The following ROPN1 variants were observed in gnomAD, a reference collection of about 807,000 sequenced individuals.
ROPN1 encodes the protein ropporin-1A.
Under a neutral mutation model 20.5 loss-of-function variants are expected in ROPN1, and 14 were observed. The observed-to-expected ratio is 0.68, with a 90% confidence interval of 0.45 to 1.07. ROPN1 has a LOEUF of 1.07. Ranked by LOEUF, ROPN1 falls within the 50% of genes least tolerant of loss-of-function variation. ROPN1 has a pLI of 0.00. For synonymous variants in ROPN1, 76 were observed against 95.7 expected (o/e 0.79, Z 1.20); for missense variants, 169 against 242.8 (o/e 0.70, Z 2.02).
chr3:123,982,715 C>T (rs2038175078), intron 1 of ROPN1, among the ~76,000 whole-genome samples: 1 of 152,126 alleles, frequency 6.6e-6, no homozygotes, highest in Non-Finnish European at 1.5e-5. Flanking sequence ...TATATATATT[C>T]TTTTACTGTG....
intron 2 of ROPN1, among the ~76,000 whole-genome samples, chr3:123,977,476 G>A (rs189330004): frequency 1.1e-3 from 161 of 152,276 alleles, no homozygotes; most frequent in African/African-American, 2.9e-3. Flanking sequence ...GGAGTTTGAG[G>A]CTGCAGTGAA....
intron 4 of ROPN1, among the ~76,000 whole-genome samples, chr3:123,971,702 G>A (rs569700805): frequency 6.6e-6 from 1 of 152,218 alleles, no homozygotes; most frequent in South Asian, 2.1e-4. Context: ...AGCACACTCT[G>A]AACATTATAA....
In ROPN1 at chr3:123,979,403, A is replaced by G. The variant is rs201807957; in HGVS notation, c.116+963T>C. The G allele has an allele frequency of 1.1e-3, 387 of 344,310 alleles. No homozygotes were observed. In the East Asian group the frequency reaches 0.019, roughly 17 times the overall value. 21.3% of individuals were successfully genotyped at this position (344,310 alleles called of 1,614,324 possible). ...CGGCCTCTCTCACTCTCACTTTCCCACTGAAACCCTCCTAAGCAGGGAATC... is the reference window on the plus strand; with the variant it reads ...CGGCCTCTCTCACTCTCACTTTCCCGCTGAAACCCTCCTAAGCAGGGAATC... On this transcript the variant is annotated intron_variant, in intron 2 of 5. Coordinates refer to ENST00000405845, the MANE Select transcript of ROPN1 (RefSeq NM_001317774.2).
At chr3:123,987,367 C>T (rs1421350889) in intron 1 of ROPN1, among the ~76,000 whole-genome samples, 1 of 152,200 alleles carries the variant, frequency 6.6e-6, no homozygotes, top group East Asian at 1.9e-4. Context: ...GCTTCTGTGC[C>T]TTCCCTCTGT....
At chr3:123,971,104 T>A (rs1165478872) in intron 4 of ROPN1, among the ~76,000 whole-genome samples, 1 of 152,150 alleles carries the variant, frequency 6.6e-6, no homozygotes, top group Non-Finnish European at 1.5e-5. Context: ...GAGTGGTGAC[T>A]TAGGGTGAGT....
chr3:123,978,269 G>T (rs1442658234), intron 2 of ROPN1, among the ~76,000 whole-genome samples: 1 of 152,112 alleles, frequency 6.6e-6, no homozygotes, highest in Non-Finnish European at 1.5e-5. Context: ...TGTTGGGGTG[G>T]GCGGGGTGTG....
intron 3 of ROPN1, 139 bp from the exon 4 acceptor site, chr3:123,975,679 G>C (rs1350176382): frequency 4.1e-6 from 3 of 732,902 alleles, no homozygotes; most frequent in Non-Finnish European, 7.0e-6. Context: ...GGAAGGTAAA[G>C]ATGGCTCTGT....
chr3:123,975,994 G>T (rs957854681), intron 3 of ROPN1, among the ~76,000 whole-genome samples: 2 of 152,194 alleles, frequency 1.3e-5, no homozygotes, highest in African/African-American at 4.8e-5. Flanking sequence ...TAGACCTCAA[G>T]TGCATCCCTC....
chr3:123,973,873 G>T (rs2037961904), intron 4 of ROPN1, among the ~76,000 whole-genome samples: 1 of 152,170 alleles, frequency 6.6e-6, no homozygotes, highest in South Asian at 2.1e-4. Flanking sequence ...CAAGCAGCTA[G>T]CGACCAGACA....
intron 1 of ROPN1, among the ~76,000 whole-genome samples, chr3:123,988,758 G>A (rs999087319): frequency 6.6e-6 from 1 of 151,886 alleles, no homozygotes; most frequent in Non-Finnish European, 1.5e-5. Context: ...GTGTTTTATT[G>A]GAATTGTGCT....
intron 1 of ROPN1, among the ~76,000 whole-genome samples, chr3:123,980,882 A>G (rs1481995511): frequency 6.6e-6 from 1 of 152,162 alleles, no homozygotes; most frequent in African/African-American, 2.4e-5. Context: ...TATATCATGA[A>G]CATCTTTCCA....
Position 123,992,097 on chromosome 3 carries a change from CGCCGTTAGCGTTA to C in ROPN1, c.-201_-189del, listed in dbSNP as rs1278226696. On this transcript the variant is annotated 5_prime_UTR_variant, in exon 1 of 6. Coordinates refer to ENST00000405845, the MANE Select transcript of ROPN1 (RefSeq NM_001317774.2). ...GGTGACAGCAGCGGCGGGGCACGACCGCCGTTAGCGTTAGACGTTAGCGCTCCGCCTTCGCCTG... is the reference window on the plus strand; with the variant it reads ...GGTGACAGCAGCGGCGGGGCACGACCGACGTTAGCGCTCCGCCTTCGCCTG... 3 of 115,318 alleles carry C rather than the reference CGCCGTTAGCGTTA, an allele frequency of 2.6e-5. No individual in the cohort carries two copies. Among genetic ancestry groups the C allele is most frequent in the Admixed American group, 9.2e-5 (1 of 10,898 alleles). The allele number at this position is 115,318 out of a possible 1,614,324, so 7.1% of individuals were successfully genotyped here.
intron 1 of ROPN1, among the ~76,000 whole-genome samples, chr3:123,990,499 T>C (rs1176880621): frequency 1.3e-5 from 2 of 152,196 alleles, no homozygotes; most frequent in Non-Finnish European, 2.9e-5. Context: ...CCATGCACTT[T>C]TGAATCACAG....
At chr3:123,970,267 TC>T in intron 4 of ROPN1, 50 bp from the exon 5 acceptor site, 1 of 1,536,978 alleles carries the variant, frequency 6.5e-7, no homozygotes, top group Non-Finnish European at 9.0e-7. Context: ...CAGGCAATAT[TC>T]CTGAGATCGG....
chr3:123,980,378 T>C lies in ROPN1; in HGVS notation c.104A>G (p.Gln35Arg). The C allele has an allele frequency of 1.9e-6, 3 of 1,614,218 alleles. No individual in the cohort carries two copies. The highest frequency in any genetic ancestry group is 2.5e-6 in the Non-Finnish European group (3 of 1,180,034). The change falls in exon 2 of 6, where the codon CAG (glutamine) becomes CGG (arginine). Residue 35 changes from glutamine (Q) to arginine (R), a missense_variant. Physicochemically the swap from Gln to Arg is conservative, Grantham distance 43 (BLOSUM62 1). This residue lies in a region of ROPN1 where 84 missense variants were observed against 99.3 expected (regional missense o/e 0.85). Transcript: ENST00000405845. ...AIRVQPQDLI[Q>R]WAADYFEALS... ...AAGGAGCACGTACTCGGCTGCCCACTGGATGAGGTCCTGCGGCTGCACCCT... is the reference window on the plus strand; with the variant it reads ...AAGGAGCACGTACTCGGCTGCCCACCGGATGAGGTCCTGCGGCTGCACCCT...
Position 123,977,422 on chromosome 3 carries a change from G to A in ROPN1, c.117-441C>T, listed in dbSNP as rs553403258. ...AGGCAGCACAGGAATGGTGGCTAGGGCCTGTAATCTGGTGACTCCAGGCTG... is the reference window on the plus strand; with the variant it reads ...AGGCAGCACAGGAATGGTGGCTAGGACCTGTAATCTGGTGACTCCAGGCTG... On this transcript the variant is annotated intron_variant, in intron 2 of 5. Coordinates refer to ENST00000405845, the MANE Select transcript of ROPN1 (RefSeq NM_001317774.2). Among the ~76,000 whole-genome samples, 9 of 152,322 alleles carry A rather than the reference G, an allele frequency of 5.9e-5. No individual in the cohort carries two copies. The South Asian group carries it at 1.9e-3, about 32-fold the overall frequency.
chr3:123,971,602 C>T (rs1211875834), intron 4 of ROPN1, among the ~76,000 whole-genome samples: 1 of 152,006 alleles, frequency 6.6e-6, no homozygotes, highest in Admixed American at 6.6e-5. Context: ...AGGCATGGGG[C>T]CAACTAGTAT....
chr3:123,969,365 G>T, intron 5 of ROPN1, 144 bp from the exon 6 acceptor site: 15 of 716,304 alleles, frequency 2.1e-5, no homozygotes, highest in South Asian at 5.4e-5. Context: ...CTGAGACAGG[G>T]TCTGGCTCTG....
At chr3:123,984,606 T>G (rs1328974161) in intron 1 of ROPN1, among the ~76,000 whole-genome samples, 1 of 152,194 alleles carries the variant, frequency 6.6e-6, no homozygotes, top group Non-Finnish European at 1.5e-5. Flanking sequence ...CTTTTTATAG[T>G]CAGAGAGCAC....
Sources: allele counts gnomAD v4.1 joint callset (sites outside exome capture counted in the v4.1 genomes callset), GRCh38; gene constraint gnomAD v4.1.1; regional missense constraint gnomAD v4.1.1; transcripts MANE v1.5; gene names NCBI Gene and HGNC (gene_info 2026-07-23, HGNC 2026-07-21).